The following KCTD1 variants were observed in gnomAD, a reference collection of about 807,000 sequenced individuals.
KCTD1 encodes the protein potassium channel tetramerization domain containing 1.
A neutral mutation model predicts 66.0 loss-of-function variants in KCTD1; 24 were observed. The ratio of observed to expected loss-of-function variants is 0.36; its 90% CI spans 0.26 to 0.51. The LOEUF is 0.51. Among genes scored for constraint, KCTD1 ranks in the 20% least tolerant of loss-of-function variants. The probability of loss-of-function intolerance (pLI) is 0.95; values close to 1 mark genes in which losing one functional copy is unlikely to be tolerated. For missense variants in KCTD1, 943 were observed against 1,205.2 expected (o/e 0.78, Z 3.22); for synonymous variants, 511 against 517.2 (o/e 0.99, Z 0.16).
intron 4 of KCTD1, 77 bp from the exon 5 acceptor site, chr18:26,455,978 A>G (rs1329460453): frequency 1.4e-6 from 2 of 1,405,244 alleles, no homozygotes; most frequent in Non-Finnish European, 9.7e-7. Context: ...AAAGTTTGAG[A>G]TTATGCGCAC....
chr18:26,583,031 G>A (rs929382167), intron 1 of KCTD1, among the ~76,000 whole-genome samples: 1 of 152,006 alleles, frequency 6.6e-6, no homozygotes, highest in East Asian at 1.9e-4. Context: ...TCACTTTTAA[G>A]TTATATATTT....
intron 1 of KCTD1, among the ~76,000 whole-genome samples, chr18:26,518,125 A>C (rs1189708787): frequency 6.6e-6 from 1 of 152,228 alleles, no homozygotes; most frequent in African/African-American, 2.4e-5. Flanking sequence ...ATAAACATTA[A>C]TATGGAATTC....
rs1987165888 is a variant in KCTD1, at chr18:26,612,840, T to A, written c.-16+16307A>T. ...CAGCACATGTGTTTTCCACCTCTCATTTTTTCGTTGCTTGACATCCATTGT... is the reference window on the plus strand; with the variant it reads ...CAGCACATGTGTTTTCCACCTCTCAATTTTTCGTTGCTTGACATCCATTGT... On this transcript the variant is annotated intron_variant, in intron 1 of 4. Coordinates refer to the KCTD1 transcript ENST00000317932. 2.0e-5 allele frequency among the ~76,000 whole-genome samples: 3 copies of A among 152,330 alleles called. No homozygotes were observed. In the South Asian group the frequency reaches 6.2e-4, roughly 32 times the overall value.
upstream of KCTD1, among the ~76,000 whole-genome samples, chr18:26,552,803 G>A (rs1985607823): frequency 6.6e-6 from 1 of 151,996 alleles, no homozygotes; most frequent in African/African-American, 2.4e-5. Flanking sequence ...GAAATTTTGT[G>A]GGCTCTTGAG....
rs369906967 is a variant in KCTD1 at position 26,473,888 on chromosome 18, T to C, written c.2133+2627A>G. On this transcript the variant is annotated intron_variant, in intron 3 of 4. Coordinates refer to ENST00000580059, the MANE Select transcript of KCTD1 (RefSeq NM_001142730.3). ...TCTCTATTTTCTTGCCAATTGCATATAGTTGCCATGTAAAATAAATGTGCA... is the reference window on the plus strand; with the variant it reads ...TCTCTATTTTCTTGCCAATTGCATACAGTTGCCATGTAAAATAAATGTGCA... 6.6e-5 allele frequency among the ~76,000 whole-genome samples: 10 copies of C among 152,362 alleles called. No individual in the cohort carries two copies. In the East Asian group the frequency reaches 1.2e-3, roughly 18 times the overall value.
At chr18:26,507,878 G>A (rs773671857) in intron 1 of KCTD1, among the ~76,000 whole-genome samples, 1 of 152,116 alleles carries the variant, frequency 6.6e-6, no homozygotes, top group Non-Finnish European at 1.5e-5. Context: ...CTGGAAGAGG[G>A]AGTGACCAGC....
chr18:26,574,911 G>A (rs1355545995), intron 1 of KCTD1, among the ~76,000 whole-genome samples: 1 of 152,024 alleles, frequency 6.6e-6, no homozygotes, highest in African/African-American at 2.4e-5. Flanking sequence ...CAATTATAGT[G>A]ATATCTTTGC....
chr18:26,596,454 C>G (rs1216124571), intron 1 of KCTD1, among the ~76,000 whole-genome samples: 1 of 152,200 alleles, frequency 6.6e-6, no homozygotes, highest in Non-Finnish European at 1.5e-5. Context: ...TTTAAGTCAC[C>G]TAGTCTATGC....
chr18:26,646,195 T>G (rs935136803), intron 1 of KCTD1, among the ~76,000 whole-genome samples: 7 of 152,186 alleles, frequency 4.6e-5, no homozygotes, highest in South Asian at 2.1e-4. Flanking sequence ...TTCCTTTGGA[T>G]TTTTCATGCT....
At chr18:26,467,660 C>T (rs1041186150) in intron 3 of KCTD1, among the ~76,000 whole-genome samples, 5 of 151,946 alleles carry the variant, frequency 3.3e-5, no homozygotes, top group Non-Finnish European at 7.4e-5. Flanking sequence ...ACTAAAAATA[C>T]AAAAGTTAGC....
intron 1 of KCTD1, among the ~76,000 whole-genome samples, chr18:26,517,078 C>G (rs1042923958): frequency 6.6e-6 from 1 of 152,182 alleles, no homozygotes; most frequent in East Asian, 1.9e-4. Flanking sequence ...CCAGGGGGAG[C>G]TAGGCAGCCT....
intron 1 of KCTD1, among the ~76,000 whole-genome samples, chr18:26,646,853 G>T (rs1319080994): frequency 2.6e-5 from 4 of 152,164 alleles, no homozygotes; most frequent in African/African-American, 9.7e-5. Context: ...AGAATAGCAT[G>T]TGCAAAGATT....
chr18:26,621,195 T>A (rs1987376214), intron 1 of KCTD1, among the ~76,000 whole-genome samples: 1 of 152,104 alleles, frequency 6.6e-6, no homozygotes, highest in Non-Finnish European at 1.5e-5. Context: ...TTAGGGTACA[T>A]GTTTATCTTT....
At chr18:26,613,574 AT>A (rs1191439272) in intron 1 of KCTD1, among the ~76,000 whole-genome samples, 1 of 152,210 alleles carries the variant, frequency 6.6e-6, no homozygotes, top group Admixed American at 6.5e-5. Context: ...AATTAACTCC[AT>A]TTTTTATTGT....
At chr18:26,589,531 A>C (rs146847828) in intron 1 of KCTD1, among the ~76,000 whole-genome samples, 18 of 152,326 alleles carry the variant, frequency 1.2e-4, no homozygotes, top group African/African-American at 4.3e-4. Flanking sequence ...AGTCTTTCAG[A>C]CTTTAAATAA....
intron 1 of KCTD1, among the ~76,000 whole-genome samples, chr18:26,508,654 GAATTT>G (rs1396790447): frequency 6.6e-6 from 1 of 152,044 alleles, no homozygotes; most frequent in African/African-American, 2.4e-5. Context: ...AGCAGTGAAA[GAATTT>G]AATACAGATC....
At chr18:26,497,679 T>C (rs912590938) in intron 2 of KCTD1, among the ~76,000 whole-genome samples, 8 of 152,198 alleles carry the variant, frequency 5.3e-5, no homozygotes, top group Non-Finnish European at 1.0e-4. Flanking sequence ...CAATACCCAA[T>C]GGTCAATTCA....
chr18:26,514,585 G>C (rs897448749), intron 1 of KCTD1, among the ~76,000 whole-genome samples: 2 of 151,406 alleles, frequency 1.3e-5, no homozygotes, highest in Admixed American at 6.6e-5. Flanking sequence ...ATGGCAGAGA[G>C]ATGTTGGAAG....
intron 1 of KCTD1, among the ~76,000 whole-genome samples, chr18:26,561,201 A>C (rs1985840040): frequency 6.6e-6 from 1 of 152,218 alleles, no homozygotes; most frequent in South Asian, 2.1e-4. Flanking sequence ...AATGATACAT[A>C]CATATTTTAC....
Sources: allele counts gnomAD v4.1 joint callset (sites outside exome capture counted in the v4.1 genomes callset), GRCh38; gene constraint gnomAD v4.1.1; transcripts MANE v1.5; gene names NCBI Gene and HGNC (gene_info 2026-07-23, HGNC 2026-07-21).